PNPLA1: variants seen among roughly 807,000 people sequenced by gnomAD.
PNPLA1 encodes omega-hydroxyceramide transacylase.
A neutral mutation model predicts 51.7 loss-of-function variants in PNPLA1; 36 were observed. That is an observed-to-expected ratio of 0.70 (90% CI 0.53 to 0.92). PNPLA1 has a LOEUF of 0.92. Ranked by LOEUF, PNPLA1 falls within the 40% of genes least tolerant of loss-of-function variation. The probability of loss-of-function intolerance (pLI) is 0.00; values close to 1 mark genes in which losing one functional copy is unlikely to be tolerated. For missense variants in PNPLA1, 658 were observed against 682.5 expected (o/e 0.96, Z 0.40); for synonymous variants, 293 against 280.1 (o/e 1.05, Z -0.46).
At chr6:36,250,588 G>A (rs1769399320) in intron 1 of PNPLA1, among the ~76,000 whole-genome samples, 1 of 152,202 alleles carries the variant, frequency 6.6e-6, no homozygotes, top group South Asian at 2.1e-4. Context: ...TTTATTGAGT[G>A]TCTACTAGTG....
rs184954806 is a variant in PNPLA1, at chr6:36,270,175, G to A, written c.-285G>A. 2.4e-3 allele frequency among the ~76,000 whole-genome samples: 365 copies of A among 152,366 alleles called. 3 individuals carry two copies. The highest frequency in any genetic ancestry group is 8.4e-3 in the African/African-American group (350 of 41,590). ...AGCCAAGAAATGAAGCCAGTGGGGG[G>A]CTCACAGGACCAAGACCCTGCTCAC... is the stretch of plus-strand genomic sequence containing the variant. On this transcript the variant is annotated 5_prime_UTR_variant, in exon 1 of 9. Transcript: ENST00000636260.
intron 6 of PNPLA1, among the ~76,000 whole-genome samples, chr6:36,302,694 T>C (rs562327311): frequency 2.2e-4 from 34 of 152,334 alleles, no homozygotes; most frequent in African/African-American, 8.2e-4. Flanking sequence ...GCGATCCCCC[T>C]ACCGGCAGCA....
intron 1 of PNPLA1, among the ~76,000 whole-genome samples, chr6:36,259,089 A>G (rs553132239): frequency 6.6e-6 from 1 of 152,280 alleles, no homozygotes; most frequent in South Asian, 2.1e-4. Flanking sequence ...AACCACAGCA[A>G]TGGTTCAGAC....
At chr6:36,262,724 G>A (rs192527862) in intron 1 of PNPLA1, among the ~76,000 whole-genome samples, 20 of 152,184 alleles carry the variant, frequency 1.3e-4, no homozygotes, top group African/African-American at 3.4e-4. Flanking sequence ...TTTCTTTATC[G>A]TTATTTTTCC....
intron 1 of PNPLA1, among the ~76,000 whole-genome samples, chr6:36,290,919 T>G (rs1328532391): frequency 1.3e-5 from 2 of 152,144 alleles, no homozygotes; most frequent in African/African-American, 4.8e-5. Flanking sequence ...TTAATAGGAA[T>G]CTCATACAGG....
chr6:36,293,068 A>G lies in PNPLA1; in HGVS notation c.446A>G (p.Tyr149Cys), dbSNP rs751215783. Residue 149 changes from tyrosine to cysteine, a missense_variant, in exon 3 of 9, where the codon TAC becomes TGC. By Grantham distance (194) the Tyr-to-Cys change is radical (BLOSUM62 -2). Transcript: ENST00000636260. ...CCTGTTCTCTCCGCACAGGCCCTAT[A>G]CTGCAGCTGCTTCGTCCCGGTGTAC... ...TSKEELIEAL[Y>C]CSCFVPVYCG... The G allele has an allele frequency of 3.1e-6, 5 of 1,613,594 alleles. No individual in the cohort carries two copies. The highest frequency in any genetic ancestry group is 4.2e-6 in the Non-Finnish European group (5 of 1,179,804).
rs372072356 is a variant in PNPLA1 at position 36,293,118 on chromosome 6, C to A, written c.496C>A (p.Arg166Ser). 1 of 1,614,036 alleles carries A rather than the reference C, an allele frequency of 6.2e-7. No individual in the cohort carries two copies. The highest frequency in any genetic ancestry group is 8.5e-7 in the Non-Finnish European group (1 of 1,179,912). Residue 166 changes from arginine (R) to serine (S), a missense_variant, in exon 3 of 9, where the codon CGC (arginine) becomes AGC (serine). Transcript: ENST00000636260. ...VYCGLIPPTY[R>S]GVRYIDGGFT... ...CTGTGGCCTCATCCCCCCGACTTAC[C>A]GCGGTGTGGTGAGTGCTTCGGCATG...
intron 1 of PNPLA1, among the ~76,000 whole-genome samples, chr6:36,283,486 G>A (rs953448598): frequency 1.3e-5 from 2 of 151,968 alleles, no homozygotes; most frequent in Non-Finnish European, 2.9e-5. Flanking sequence ...CTGTCCTTAC[G>A]AAATCACCAC....
intron 1 of PNPLA1, among the ~76,000 whole-genome samples, chr6:36,278,624 C>T (rs972771303): frequency 1.8e-4 from 27 of 152,052 alleles, no homozygotes; most frequent in South Asian, 2.1e-4. Flanking sequence ...AGTACAGCCC[C>T]GCTGTTGTCC....
chr6:36,292,561 C>G (rs111799034), intron 2 of PNPLA1, among the ~76,000 whole-genome samples: 96 of 152,294 alleles, frequency 6.3e-4, no homozygotes, highest in African/African-American at 2.3e-3. Flanking sequence ...CCTGCCAGGG[C>G]ACTTCCCTTC....
chr6:36,260,581 A>G (rs2127317985), intron 1 of PNPLA1, among the ~76,000 whole-genome samples: 1 of 152,188 alleles, frequency 6.6e-6, no homozygotes, highest in African/African-American at 2.4e-5. Context: ...GAGGCCACCG[A>G]TGTTTTCAGT....
At chr6:36,248,176 C>G (rs1769340517) in intron 1 of PNPLA1, among the ~76,000 whole-genome samples, 1 of 152,024 alleles carries the variant, frequency 6.6e-6, no homozygotes, top group Admixed American at 6.6e-5. Flanking sequence ...ATGAACAATG[C>G]TGTGGGAGGA....
At chr6:36,287,915 T>G (rs1770551069) in intron 1 of PNPLA1, among the ~76,000 whole-genome samples, 1 of 152,234 alleles carries the variant, frequency 6.6e-6, no homozygotes, top group Non-Finnish European at 1.5e-5. Context: ...CCTCCCAGGC[T>G]ACATGACTGG....
intron 1 of PNPLA1, among the ~76,000 whole-genome samples, chr6:36,248,492 G>T (rs1052438168): frequency 6.6e-6 from 1 of 151,892 alleles, no homozygotes; most frequent in Non-Finnish European, 1.5e-5. Flanking sequence ...CCTTACCTAG[G>T]TGTCTTAAAT....
At chr6:36,284,676 G>T (rs760430557) in intron 1 of PNPLA1, among the ~76,000 whole-genome samples, 1 of 151,990 alleles carries the variant, frequency 6.6e-6, no homozygotes, top group Admixed American at 6.6e-5. Context: ...GAATTCATTG[G>T]GACTTGTATT....
chr6:36,291,567 C>A lies in PNPLA1; in HGVS notation c.438+15C>A. 1 of 132,920 alleles carries A rather than the reference C, an allele frequency of 7.5e-6. No individual in the cohort carries two copies. The highest frequency in any genetic ancestry group is 6.7e-5 in the South Asian group (1 of 14,872). 8.2% of individuals were successfully genotyped at this position (132,920 alleles called of 1,614,324 possible). A position where few individuals can be genotyped will look rare whatever the true frequency, so the allele number is the denominator to read the frequency against. On this transcript the variant is annotated intron_variant, in intron 2 of 8. Transcript: ENST00000636260. The stretch of plus-strand genomic sequence containing the variant: ...AGCTCATTGAGGCAAGGGGGCTGGG[C>A]TGGGAGGGAGGGACACGGAGGGGGC...
At chr6:36,265,069 G>C (rs187497798), upstream of PNPLA1, among the ~76,000 whole-genome samples, 47 of 152,324 alleles carry the variant, frequency 3.1e-4, 1 homozygote, top group East Asian at 4.8e-3. Context: ...GACCAGGCAT[G>C]GTGGCTCATG....
intron 1 of PNPLA1, among the ~76,000 whole-genome samples, chr6:36,253,649 A>T (rs868670640): frequency 9.4e-4 from 143 of 152,218 alleles, no homozygotes; most frequent in African/African-American, 3.3e-3. Context: ...CTAATTTTTT[A>T]AAAAATTTTA....
intron 1 of PNPLA1, among the ~76,000 whole-genome samples, chr6:36,251,500 T>C (rs931986935): frequency 1.3e-5 from 2 of 152,230 alleles, no homozygotes; most frequent in African/African-American, 2.4e-5. Flanking sequence ...GCAGGAATGA[T>C]GCATGTCAAG....
Sources: allele counts gnomAD v4.1 joint callset (sites outside exome capture counted in the v4.1 genomes callset), GRCh38; gene constraint gnomAD v4.1.1; transcripts MANE v1.5; gene names NCBI Gene and HGNC (gene_info 2026-07-23, HGNC 2026-07-21).